The following OPHN1 variants were observed in gnomAD, a reference collection of about 807,000 sequenced individuals.
The protein encoded by OPHN1 is oligophrenin 1, also known as oligophrenin-1.
A neutral mutation model predicts 60.7 loss-of-function variants in OPHN1; 11 were observed. The ratio of observed to expected loss-of-function variants is 0.18; its 90% CI spans 0.11 to 0.30. OPHN1 has a LOEUF of 0.30. OPHN1 is among the 10% of genes least tolerant of loss of function. The probability of loss-of-function intolerance (pLI) is 1.00; values close to 1 mark genes in which losing one functional copy is unlikely to be tolerated. For missense variants in OPHN1, 449 were observed against 611.0 expected, an observed-to-expected ratio of 0.73 and a Z score of 2.80; for synonymous variants, 226 against 222.6, an observed-to-expected ratio of 1.02 and a Z score of -0.14.
At chrX:68,153,362 C>A (rs989724381) in intron 15 of OPHN1, among the ~76,000 whole-genome samples, 1 of 111,570 alleles carries the variant, frequency 9.0e-6, no homozygotes, top group Non-Finnish European at 1.9e-5. Context: ...GAAAGCCATA[C>A]CAATCAGGAT....
intron 15 of OPHN1, among the ~76,000 whole-genome samples, chrX:68,160,722 T>C (rs1022915860): frequency 2.7e-5 from 3 of 111,142 alleles, no homozygotes; most frequent in African/African-American, 6.5e-5. Flanking sequence ...TATTTTCAGA[T>C]GAATAGAGAT....
In OPHN1 at chrX:68,279,004, C is replaced by A. The variant is rs142574001; in HGVS notation, c.312+4052G>T. Among the ~76,000 whole-genome samples, 6 of 108,243 alleles carry A rather than the reference C, an allele frequency of 5.5e-5. No individual in the cohort carries two copies. The East Asian group carries it at 1.7e-3, about 31-fold the overall frequency. The allele number at this position is 108,243 out of a possible 115,157, so 94.0% of individuals were successfully genotyped here. On this transcript the variant is annotated intron_variant, in intron 4 of 24. Transcript: ENST00000355520. ...CTTCAAAAACAGACCTTGCACATTG[C>A]CAACAGAGGCCCCTTCAGAGTCAGA...
chrX:68,233,471 CTCAA>C (rs1423544664), intron 6 of OPHN1, among the ~76,000 whole-genome samples: 3 of 111,671 alleles, frequency 2.7e-5, no homozygotes, highest in East Asian at 2.8e-4. Context: ...TAGAAAAATT[CTCAA>C]TCAGTTTATT....
chrX:68,222,886 C>T (rs1297826687), intron 6 of OPHN1, among the ~76,000 whole-genome samples: 10 of 95,606 alleles, frequency 1.0e-4, no homozygotes, highest in Non-Finnish European at 1.9e-4. Flanking sequence ...ATGTAACTAA[C>T]CTGCACAATG....
At chrX:68,427,648 T>C (rs2078866607) in intron 2 of OPHN1, among the ~76,000 whole-genome samples, 1 of 108,907 alleles carries the variant, frequency 9.2e-6, no homozygotes, top group South Asian at 4.0e-4. Context: ...CCTCTGCTCA[T>C]TTGCAAAGAG....
intron 23 of OPHN1, 148 bp downstream of exon 23, chrX:68,052,392 G>A: frequency 1.8e-6 from 1 of 548,394 alleles, no homozygotes; most frequent in Admixed American, 2.7e-5. Context: ...GGGATGGAGA[G>A]ACAGAATTGG....
intron 2 of OPHN1, among the ~76,000 whole-genome samples, chrX:68,343,289 G>C (rs2078363304): frequency 2.0e-5 from 2 of 101,610 alleles, no homozygotes; most frequent in Admixed American, 2.1e-4. Flanking sequence ...AAAAAAAGCG[G>C]GGGGGGAGGG....
At chrX:68,227,664 T>C (rs1465782922) in intron 6 of OPHN1, among the ~76,000 whole-genome samples, 7 of 110,926 alleles carry the variant, frequency 6.3e-5, no homozygotes, top group African/African-American at 9.8e-5. Context: ...CTACTGGGTA[T>C]ATAACGAAAT....
rs753601639 is a variant in OPHN1, at chrX:68,389,747, T to C, written c.154+43120A>G. ...GTGTTGTGGTTAAGAGTGTTGAATCTGGACCCTGAGAGATCTGGGTTTCTG... is the reference window on the plus strand; with the variant it reads ...GTGTTGTGGTTAAGAGTGTTGAATCCGGACCCTGAGAGATCTGGGTTTCTG... On this transcript the variant is annotated intron_variant, in intron 2 of 24. Coordinates refer to ENST00000355520, the MANE Select transcript of OPHN1 (RefSeq NM_002547.3). Among the ~76,000 whole-genome samples the C allele has an allele frequency of 3.7e-5, 4 of 109,085 alleles. No homozygotes were observed. The East Asian group carries it at 1.2e-3, about 32-fold the overall frequency. 94.7% of individuals were successfully genotyped at this position (109,085 alleles called of 115,157 possible).
At chrX:68,161,543 T>A (rs1299121734) in intron 15 of OPHN1, among the ~76,000 whole-genome samples, 1 of 110,483 alleles carries the variant, frequency 9.1e-6, no homozygotes, top group Non-Finnish European at 1.9e-5. Context: ...CCACATAATA[T>A]CCACCAGAGG....
At chrX:68,373,448 T>C (rs1329676416) in intron 2 of OPHN1, among the ~76,000 whole-genome samples, 2 of 111,701 alleles carry the variant, frequency 1.8e-5, no homozygotes, top group Non-Finnish European at 3.8e-5. Context: ...ATTTTGTGTT[T>C]CTGGCTACAC....
intron 15 of OPHN1, among the ~76,000 whole-genome samples, chrX:68,152,575 C>T (rs1411464279): frequency 9.1e-6 from 1 of 109,619 alleles, no homozygotes; most frequent in Non-Finnish European, 1.9e-5. Context: ...TCCCAAGTAG[C>T]TGGACCACAG....
intron 19 of OPHN1, among the ~76,000 whole-genome samples, chrX:68,077,752 G>T (rs760184504): frequency 8.9e-6 from 1 of 112,094 alleles, no homozygotes; most frequent in Non-Finnish European, 1.9e-5. Context: ...TCCTGTTTTA[G>T]TCTATACACT....
intron 5 of OPHN1, among the ~76,000 whole-genome samples, chrX:68,254,375 TTC>T (rs2077851133): frequency 9.0e-6 from 1 of 111,415 alleles, no homozygotes; most frequent in Admixed American, 9.6e-5. Flanking sequence ...ACCAGTATTT[TTC>T]TCTTTCCTGC....
At chrX:68,052,289 CA>C (rs72307579) in intron 23 of OPHN1, among the ~76,000 whole-genome samples, 872 of 61,177 alleles carry the variant, frequency 0.014, 13 homozygotes, top group African/African-American at 0.041. Flanking sequence ...GACACCATCT[CA>C]AAAAAAAAAA....
At chrX:68,234,632 T>C (rs2077744211) in intron 5 of OPHN1, 44 bp from the exon 6 acceptor site, 1 of 941,033 alleles carries the variant, frequency 1.1e-6, no homozygotes, top group African/African-American at 1.9e-5. Context: ...TCTGTAGTTG[T>C]AACTCTGTCT....
chrX:68,062,916 C>T (rs767605243), intron 21 of OPHN1, among the ~76,000 whole-genome samples: 1 of 111,949 alleles, frequency 8.9e-6, no homozygotes, highest in South Asian at 3.7e-4. Flanking sequence ...AAGTCAGCCA[C>T]ACCTTGAATT....
chrX:68,248,743 G>A (rs910065721), intron 5 of OPHN1, among the ~76,000 whole-genome samples: 2 of 112,302 alleles, frequency 1.8e-5, no homozygotes, highest in Non-Finnish European at 3.8e-5. Flanking sequence ...TGTGTACACA[G>A]TGGAGTAATT....
intron 15 of OPHN1, among the ~76,000 whole-genome samples, chrX:68,143,698 C>T (rs1239002160): frequency 9.0e-6 from 1 of 111,244 alleles, no homozygotes; most frequent in Non-Finnish European, 1.9e-5. Context: ...TAATAATATC[C>T]CCCGGTAGAC....
Sources: gnomAD v4.1 joint callset for allele counts (sites outside exome capture counted in the v4.1 genomes callset) on GRCh38, gnomAD v4.1.1 for gene constraint, MANE v1.5 for transcripts, NCBI Gene and HGNC (gene_info 2026-07-23, HGNC 2026-07-21) for gene names.